Variants in TTN observed in about 807,000 individuals in gnomAD.
The protein encoded by TTN is connectin.
TTN carries 1,525 observed loss-of-function variants against 3,223.0 expected under a neutral mutation model. That is an observed-to-expected ratio of 0.47 (90% CI 0.45 to 0.49). The LOEUF is 0.49. Ranked by LOEUF, TTN falls within the 20% of genes least tolerant of loss-of-function variation. TTN has a pLI of 0.00. For missense variants in TTN, 40,786 were observed against 43,424.0 expected (o/e 0.94, Z 5.40); for synonymous variants, 14,094 against 15,161.0 (o/e 0.93, Z 5.17).
chr2:178,550,372 G>C (rs1253931935), intron 336 of TTN, 99 bp from the exon 337 acceptor site: 18 of 998,742 alleles, frequency 1.8e-5, no homozygotes, highest in Non-Finnish European at 2.6e-5. Context: ...GCCAGGAAGA[G>C]TAGTGACTTC....
At chr2:178,774,867 C>T in intron 29 of TTN, 54 bp downstream of exon 29, 2 of 1,606,400 alleles carry the variant, frequency 1.2e-6, no homozygotes, top group Non-Finnish European at 1.7e-6. Flanking sequence ...TTACCACATG[C>T]TAAGGGTGAC....
rs1301357470 is a variant in TTN at position 178,719,214 on chromosome 2, G to A, written c.24176C>T (p.Ala8059Val). 6.2e-7 allele frequency: 1 copy of A among 1,613,738 alleles called. No individual in the cohort carries two copies. The highest frequency in any genetic ancestry group is 8.5e-7 in the Non-Finnish European group (1 of 1,179,734). ...CTCATCGGAACCAGCTACATTGGCA[G>A]CCACACACGTGTATATGCCTGTGTC... ...PSDTGIYTCV[A>V]ANVAGSDECS... is the part of the protein sequence containing the mutation. The change falls in exon 83 of 363, where the codon GCT becomes GTT. Residue 8059 changes from alanine to valine, a missense_variant. Coordinates refer to ENST00000589042, the MANE Select transcript of TTN (RefSeq NM_001267550.2).
chr2:178,545,549 C>T lies in TTN; in HGVS notation c.95561G>A (p.Trp31854Ter). 1 of 1,613,714 alleles carries T rather than the reference C, an allele frequency of 6.2e-7. No individual in the cohort carries two copies. Among genetic ancestry groups the T allele is most frequent in the Non-Finnish European group, 8.5e-7 (1 of 1,179,706 alleles). ...CACATAGTCTTTGTTGACACGTGTC[C>T]AGCGCAGGCTCTTCTTCTCACGTTT... ...VDKREKKSLR[W>*]TRVNKDYVVY... The change falls in exon 344 of 363, where the codon TGG (tryptophan) becomes TAG (stop). Residue 31854 changes from tryptophan (W) to a stop codon, truncating the protein, a stop_gained. Transcript: ENST00000589042. LOFTEE classifies it high-confidence loss of function.
chr2:178,711,095 A>G lies in TTN; in HGVS notation c.28141T>C (p.Ser9381Pro), dbSNP rs1376908968. ...ATGAGCCTGGCACTGGAAGAAGCAGAGCCTATAGGGTTTGTAGCTGTGCAG... is the reference window on the plus strand; with the variant it reads ...ATGAGCCTGGCACTGGAAGAAGCAGGGCCTATAGGGTTTGTAGCTGTGCAG... ...YSCTATNPIG[S>P]ASSSARLILT... Residue 9381 changes from serine (S) to proline (P), a missense_variant, in exon 97 of 363, where the codon TCT becomes CCT. Ser to Pro is a moderately conservative substitution (Grantham distance 74, BLOSUM62 -1). Transcript: ENST00000589042. 6.2e-7 allele frequency: 1 copy of G among 1,604,468 alleles called. No individual in the cohort carries two copies. The highest frequency in any genetic ancestry group is 2.2e-5 in the East Asian group (1 of 44,790).
At position 178,717,815 on chromosome 2, in the gene TTN, A is replaced by G. The variant is rs768960381; in HGVS notation, c.25064-5T>C. 2 of 1,597,348 alleles carry G rather than the reference A, an allele frequency of 1.3e-6. No individual in the cohort carries two copies. The highest frequency in any genetic ancestry group is 1.7e-5 in the Admixed American group (1 of 57,738). On this transcript the variant is annotated splice_region_variant and splice_polypyrimidine_tract_variant and intron_variant, in intron 86 of 362. Coordinates refer to ENST00000589042, the MANE Select transcript of TTN (RefSeq NM_001267550.2). ...AGAAAGGTGGAAGTTTGCGCGCTGT[A>G]AAGAAGTTACAGATAATCCTTATTT... is the stretch of plus-strand genomic sequence containing the variant.
At chr2:178,583,313 G>T (rs1406994416) in intron 312 of TTN, 86 bp from the exon 313 acceptor site, 2 of 1,252,912 alleles carry the variant, frequency 1.6e-6, no homozygotes, top group Non-Finnish European at 2.1e-6. Context: ...TTCATATGCT[G>T]CTTCTTTCAA....
chr2:178,539,971 A>G lies in TTN; in HGVS notation c.98099-5T>C. 1 of 1,609,024 alleles carries G rather than the reference A, an allele frequency of 6.2e-7. No individual in the cohort carries two copies. Among genetic ancestry groups the G allele is most frequent in the South Asian group, 1.1e-5 (1 of 90,820 alleles). On this transcript the variant is annotated splice_region_variant and splice_polypyrimidine_tract_variant and intron_variant, in intron 351 of 362. Coordinates refer to ENST00000589042, the MANE Select transcript of TTN (RefSeq NM_001267550.2). ...CAAGTTCATAATCAGGATATTCTGG[A>G]AAAAAAGGTAGGGTTTCAATTTAGC... is the stretch of plus-strand genomic sequence containing the variant.
Position 178,564,316 on chromosome 2 carries a change from T to C in TTN, c.81816A>G (p.Ala27272=). The C allele has an allele frequency of 6.2e-7, 1 of 1,613,712 alleles. No homozygotes were observed. Among genetic ancestry groups the C allele is most frequent in the Non-Finnish European group, 8.5e-7 (1 of 1,179,752 alleles). Residue 27272 remains alanine, a synonymous_variant, in exon 326 of 363, where the codon GCA becomes GCG. Transcript: ENST00000589042. ...ATTTTGGATCCAGAGAGGCATTTGG[T>C]GCATCAATTTCATCTCTTGCAGTAA... ...GAITARDEID[A]PNASLDPKYK...
chr2:178,727,748 A>T lies in TTN; in HGVS notation c.19830T>A (p.Asp6610Glu). Residue 6610 changes from aspartate to glutamate, a missense_variant, in exon 68 of 363, where the codon GAT becomes GAA. Transcript: ENST00000589042. ...TPPFKIKWFK[D>E]DVELVSGPKC... ...TAGGACCTGAGACAAGTTCCACATC[A>T]TCCTTAAACCATTTTATTTTAAATG... The T allele has an allele frequency of 6.2e-7, 1 of 1,613,386 alleles. No individual in the cohort carries two copies. The highest frequency in any genetic ancestry group is 2.2e-5 in the East Asian group (1 of 44,846).
rs1477073298 is a variant in TTN, at chr2:178,723,270, G to A, written c.21737C>T (p.Ser7246Phe). 3 of 1,613,462 alleles carry A rather than the reference G, an allele frequency of 1.9e-6. No individual in the cohort carries two copies. The African/African-American group carries it at 4.0e-5, about 22-fold the overall frequency. The change falls in exon 75 of 363, where the codon TCC becomes TTC. Residue 7246 changes from serine (S) to phenylalanine (F), a missense_variant. Coordinates refer to ENST00000589042, the MANE Select transcript of TTN (RefSeq NM_001267550.2). ...AGTGTAGGTGCTCTCCAGAATTATG[G>A]ACTTCCCTGGTTCTACAGAATGATC... Reference protein sequence around the residue: ...LSDHSVEPGKSIILESTYTGT... With the variant: ...LSDHSVEPGKFIILESTYTGT...
chr2:178,576,947 G>A lies in TTN; in HGVS notation c.69388C>T (p.Pro23130Ser). 1 of 1,613,170 alleles carries A rather than the reference G, an allele frequency of 6.2e-7. No individual in the cohort carries two copies. Among genetic ancestry groups the A allele is most frequent in the Non-Finnish European group, 8.5e-7 (1 of 1,179,438 alleles). Reference sequence around the variant, plus strand: ...CCAAATCTGTCTACCATTTTGACAGGTTCAGACTGTACAGGTTCTCCTTTG... The same window carrying A: ...CCAAATCTGTCTACCATTTTGACAGATTCAGACTGTACAGGTTCTCCTTTG... ...YGKGEPVQSE[P>S]VKMVDRFGPP... The change falls in exon 324 of 363, where the codon CCT becomes TCT. Residue 23130 changes from proline to serine, a missense_variant. By Grantham distance (74) the Pro-to-Ser change is moderately conservative. Transcript: ENST00000589042. The surrounding 1 kb of genome is among the most constrained non-coding windows in gnomAD (Gnocchi z 4.3).
chr2:178,769,991 A>G, intron 36 of TTN, 52 bp from the exon 37 acceptor site: 1 of 1,614,206 alleles, frequency 6.2e-7, no homozygotes, highest in Non-Finnish European at 8.5e-7. Context: ...TAAAAAGTAG[A>G]TGAAACCAAA....
chr2:178,670,886 T>C (rs929454900), intron 156 of TTN, among the ~76,000 whole-genome samples: 9 of 151,924 alleles, frequency 5.9e-5, no homozygotes, highest in Admixed American at 3.9e-4. Context: ...TTGGTTGTTT[T>C]AGGTATAACA....
In TTN at chr2:178,589,758, G is replaced by T. The variant is rs1363633199; in HGVS notation, c.61967C>A (p.Thr20656Lys). 1 of 1,613,516 alleles carries T rather than the reference G, an allele frequency of 6.2e-7. No homozygotes were observed. The change falls in exon 304 of 363, where the codon ACA becomes AAA. Residue 20656 changes from threonine (T) to lysine (K), a missense_variant. Transcript: ENST00000589042. ...GTTAATAGCCAGAATGGGAGTTTTTGTTTCGATGGTTGGCCCAACACCTAC... is the reference window on the plus strand; with the variant it reads ...GTTAATAGCCAGAATGGGAGTTTTTTTTTCGATGGTTGGCCCAACACCTAC... ...NKVGVGPTIE[T>K]KTPILAINPI...
In TTN at chr2:178,563,045, A is replaced by G. The variant is rs769398545; in HGVS notation, c.83087T>C (p.Phe27696Ser). 6.2e-7 allele frequency: 1 copy of G among 1,613,648 alleles called. No homozygotes were observed. The highest frequency in any genetic ancestry group is 1.1e-5 in the South Asian group (1 of 91,072). The change falls in exon 326 of 363, where the codon TTT (phenylalanine) becomes TCT (serine). Residue 27696 changes from phenylalanine to serine, a missense_variant. Coordinates refer to ENST00000589042, the MANE Select transcript of TTN (RefSeq NM_001267550.2). This position sits in a 1 kb window ranked among gnomAD's most constrained non-coding sequence, Gnocchi z 4.5. ...VLRASATLRL[F>S]VTIKGRPEPE... ...TTCTGGTCGACCTTTGATAGTGACA[A>G]ATAAGCGTAAAGTAGCACTTGCACG...
In TTN at chr2:178,666,969, A is replaced by T. The variant is rs553301847; in HGVS notation, c.35798-68T>A. 3.6e-6 allele frequency: 4 copies of T among 1,126,250 alleles called. No homozygotes were observed. The South Asian group carries it at 4.8e-5, about 13-fold the overall frequency. 69.8% of individuals were successfully genotyped at this position (1,126,250 alleles called of 1,614,324 possible). On this transcript the variant is annotated intron_variant, in intron 162 of 362. Coordinates refer to ENST00000589042, the MANE Select transcript of TTN (RefSeq NM_001267550.2). ...GGCATAAAGACATGACATACTAAGA[A>T]AGTTAGATATGTTAATATCATTTCA...
intron 263 of TTN, 97 bp downstream of exon 263, chr2:178,613,654 T>A (rs74627366): frequency 1.6e-6 from 2 of 1,269,422 alleles, no homozygotes; most frequent in South Asian, 4.0e-5. Context: ...AAAATTTTTT[T>A]AGTAATATAT....
rs181723851 is a variant in TTN, at chr2:178,682,374, C to T, written c.33094+323G>A. On this transcript the variant is annotated intron_variant, in intron 135 of 362. Transcript: ENST00000589042. ...TTTTAACCATGTACTAGAATGATCA[C>T]GGGCACTTGAAGATAAACTTGTAAC... 1.9e-3 allele frequency among the ~76,000 whole-genome samples: 286 copies of T among 152,038 alleles called. 5 individuals are homozygous for T. In the South Asian group the frequency reaches 0.024, roughly 13 times the overall value.
rs753213447 is a variant in TTN at position 178,664,460 on chromosome 2, C to T, written c.36280G>A (p.Val12094Met). 1.2e-6 allele frequency: 2 copies of T among 1,609,248 alleles called. No homozygotes were observed. The highest frequency in any genetic ancestry group is 1.7e-5 in the Admixed American group (1 of 59,650). Residue 12094 changes from valine (V) to methionine (M), a missense_variant and splice_region_variant, in exon 168 of 363, where the codon GTG becomes ATG. Coordinates refer to ENST00000589042, the MANE Select transcript of TTN (RefSeq NM_001267550.2). The stretch of plus-strand genomic sequence containing the variant: ...CATAAAAAGACAGTTAAGAATGTAC[C>T]TTTGACAGGTACAACTTCAGCCCTT... ...PQRAEVVPVK[V>M]HEAPKEIIPE...
Sources: gnomAD v4.1 joint callset for allele counts (sites outside exome capture counted in the v4.1 genomes callset) on GRCh38, gnomAD v4.1.1 for gene constraint, Gnocchi (gnomAD v3.1) non-coding constraint, MANE v1.5 for transcripts, NCBI Gene and HGNC (gene_info 2026-07-23, HGNC 2026-07-21) for gene names.